Variants in CYFIP1 observed in about 807,000 individuals in gnomAD.
CYFIP1 encodes the protein cytoplasmic FMR1-interacting protein 1.
CYFIP1 carries 58 observed loss-of-function variants against 163.5 expected under a neutral mutation model. The ratio of observed to expected loss-of-function variants is 0.35; its 90% CI spans 0.29 to 0.44. The LOEUF is 0.44. Among genes scored for constraint, CYFIP1 ranks in the 20% least tolerant of loss-of-function variants. CYFIP1 has a pLI of 1.00. For missense variants in CYFIP1, 1,338 were observed against 1,653.8 expected (o/e 0.81, Z 3.31); for synonymous variants, 663 against 660.7 (o/e 1.00, Z -0.05).
At chr15:22,945,904 G>T (rs747319635) in intron 3 of CYFIP1, among the ~76,000 whole-genome samples, 1 of 152,054 alleles carries the variant, frequency 6.6e-6, no homozygotes, top group Non-Finnish European at 1.5e-5. Context: ...TTTATTACAC[G>T]ACATAAAAGA....
Position 22,906,462 on chromosome 15 carries a change from ATTTT to A in CYFIP1, c.2389-2561_2389-2558del, listed in dbSNP as rs58360718. Among the ~76,000 whole-genome samples the A allele has an allele frequency of 3.3e-3, 289 of 87,516 alleles. 3 individuals are homozygous for A. Among genetic ancestry groups the A allele is most frequent in the African/African-American group, 0.013 (275 of 21,816 alleles). The allele number at this position is 87,516 out of a possible 152,430, so 57.4% of individuals were successfully genotyped here. ...ATATTATTCTTTCACAGCAACTACT[ATTTT>A]TTTTTTTTTTTTTTTTTGAGACGGA... On this transcript the variant is annotated intron_variant, in intron 21 of 30. Transcript: ENST00000617928.
intron 1 of CYFIP1, among the ~76,000 whole-genome samples, chr15:22,954,540 C>T (rs1389861544): frequency 6.6e-6 from 1 of 152,220 alleles, no homozygotes; most frequent in Non-Finnish European, 1.5e-5. Flanking sequence ...AAGGCGCTAC[C>T]ATGCCACAGT....
chr15:22,964,178 T>C (rs1015121630), intron 1 of CYFIP1, among the ~76,000 whole-genome samples: 2 of 150,832 alleles, frequency 1.3e-5, no homozygotes, highest in African/African-American at 4.9e-5. Flanking sequence ...TTTTTCCCTT[T>C]CTGGAGCAAG....
At chr15:22,921,136 G>A (rs887272484) in intron 13 of CYFIP1, among the ~76,000 whole-genome samples, 3 of 152,010 alleles carry the variant, frequency 2.0e-5, no homozygotes, top group South Asian at 4.1e-4. Flanking sequence ...TTGGGAGGCC[G>A]AGGCAGGCGG....
chr15:22,939,554 ATT>A (rs1555416198), intron 6 of CYFIP1, 47 bp from the exon 7 acceptor site: 6 of 586,862 alleles, frequency 1.0e-5, no homozygotes, highest in South Asian at 2.7e-5. Flanking sequence ...AACGTGCCAC[ATT>A]TAAAAAAAAA....
chr15:22,943,379 G>C (rs1423780769), intron 5 of CYFIP1, 25 bp from the exon 6 acceptor site: 1 of 1,609,396 alleles, frequency 6.2e-7, no homozygotes, highest in Non-Finnish European at 8.5e-7. Context: ...CAGGAGGGCA[G>C]AAAGCTGCAG....
At position 22,917,856 on chromosome 15, in the gene CYFIP1, C is replaced by A; in HGVS notation, c.1606G>T (p.Glu536Ter). 6.2e-7 allele frequency: 1 copy of A among 1,613,898 alleles called. No individual in the cohort carries two copies. Among genetic ancestry groups the A allele is most frequent in the Non-Finnish European group, 8.5e-7 (1 of 1,179,946 alleles). ...EPFNDPALRG[E>*]KDPKSGFDIK... ...TCGAAGCCGCTCTTGGGGTCCTTCT[C>A]GCCCCGCAAGGCTGGGTCATTGAAG... Residue 536 changes from glutamate (E) to a stop codon, truncating the protein, a stop_gained, in exon 15 of 31, where the codon GAG (glutamate) becomes TAG (stop). Transcript: ENST00000617928. LOFTEE classifies it high-confidence loss of function. This position sits in a 1 kb window ranked among gnomAD's most constrained non-coding sequence, Gnocchi z 4.2.
At chr15:22,975,343 G>A (rs2063230091) in intron 1 of CYFIP1, among the ~76,000 whole-genome samples, 1 of 149,018 alleles carries the variant, frequency 6.7e-6, no homozygotes, top group Non-Finnish European at 1.5e-5. Flanking sequence ...GGTGGCGGGT[G>A]CCTGTAATCT....
At chr15:22,878,268 C>T (rs950950612) in intron 26 of CYFIP1, among the ~76,000 whole-genome samples, 6 of 152,154 alleles carry the variant, frequency 3.9e-5, no homozygotes, top group African/African-American at 1.4e-4. Flanking sequence ...GCAGGGAACG[C>T]GGCAAGTGGG....
intron 23 of CYFIP1, among the ~76,000 whole-genome samples, chr15:22,884,427 G>A (rs2059873921): frequency 6.6e-6 from 1 of 152,184 alleles, no homozygotes; most frequent in African/African-American, 2.4e-5. Flanking sequence ...GTCCAGTGGG[G>A]CAGTCATTAA....
chr15:22,902,405 C>T (rs1038358468), intron 22 of CYFIP1, among the ~76,000 whole-genome samples: 44 of 152,138 alleles, frequency 2.9e-4, no homozygotes, highest in African/African-American at 1.1e-3. Context: ...ATGGAGAGGC[C>T]GAGGGCCGCC....
chr15:22,946,383 G>A (rs534368317), intron 3 of CYFIP1, among the ~76,000 whole-genome samples: 3 of 152,182 alleles, frequency 2.0e-5, no homozygotes, highest in Admixed American at 6.5e-5. Context: ...GCTCATGCCT[G>A]TAATCCCAGC....
chr15:22,980,637 T>C (rs559972953), upstream of CYFIP1, among the ~76,000 whole-genome samples: 1 of 151,812 alleles, frequency 6.6e-6, no homozygotes, highest in African/African-American at 2.4e-5. Flanking sequence ...GGGGTCCTCC[T>C]GCGGGTCCGT....
At chr15:22,893,011 C>T in intron 22 of CYFIP1, 34 bp from the exon 23 acceptor site, 2 of 1,494,216 alleles carry the variant, frequency 1.3e-6, no homozygotes, top group African/African-American at 2.8e-5. Context: ...GAAAAAGAAA[C>T]CAAATTTAAC....
At chr15:22,961,743 T>A (rs754439359) in intron 1 of CYFIP1, among the ~76,000 whole-genome samples, 1 of 152,180 alleles carries the variant, frequency 6.6e-6, no homozygotes, top group African/African-American at 2.4e-5. Context: ...TTTAAAATCC[T>A]TGGAATCTTG....
At chr15:22,967,565 C>T (rs1457202266) in intron 1 of CYFIP1, among the ~76,000 whole-genome samples, 1 of 152,060 alleles carries the variant, frequency 6.6e-6, no homozygotes, top group African/African-American at 2.4e-5. Context: ...GGCCCCACCA[C>T]AGCCCGCAGC....
intron 29 of CYFIP1, 147 bp downstream of exon 29, chr15:22,873,344 C>T (rs1305912789): frequency 1.5e-6 from 1 of 663,276 alleles, no homozygotes; most frequent in East Asian, 2.7e-5. Context: ...AGTAAGAATC[C>T]CCACTACAGG....
At chr15:22,927,096 G>A (rs559343928) in intron 12 of CYFIP1, among the ~76,000 whole-genome samples, 19 of 152,120 alleles carry the variant, frequency 1.2e-4, no homozygotes, top group Admixed American at 5.2e-4. Flanking sequence ...CAGCACTTTG[G>A]AAGGCCCAGG....
At chr15:22,893,170 C>T (rs2060125564) in intron 22 of CYFIP1, among the ~76,000 whole-genome samples, 193 bp from the exon 23 acceptor site, 1 of 152,160 alleles carries the variant, frequency 6.6e-6, no homozygotes, top group African/African-American at 2.4e-5. Flanking sequence ...AATAAATGCA[C>T]CCAAAGCTCA....
Sources: allele counts gnomAD v4.1 joint callset (sites outside exome capture counted in the v4.1 genomes callset), GRCh38; gene constraint gnomAD v4.1.1; non-coding constraint Gnocchi (gnomAD v3.1); transcripts MANE v1.5; gene names NCBI Gene and HGNC (gene_info 2026-07-23, HGNC 2026-07-21).